Variants in MLLT3 observed in about 807,000 individuals in gnomAD.
MLLT3 encodes protein AF-9.
Under a neutral mutation model 53.2 loss-of-function variants are expected in MLLT3, and 4 were observed. The observed-to-expected ratio is 0.08, with a 90% CI of 0.04 to 0.17. MLLT3 has a LOEUF of 0.17. MLLT3 is among the 10% of genes least tolerant of loss of function. MLLT3 has a pLI of 1.00. For missense variants in MLLT3, 569 were observed against 684.0 expected (o/e 0.83, Z 1.87); for synonymous variants, 283 against 230.6 (o/e 1.23, Z -2.06).
At chr9:20,618,856 T>G (rs866073903) in intron 2 of MLLT3, among the ~76,000 whole-genome samples, 7 of 152,256 alleles carry the variant, frequency 4.6e-5, no homozygotes, top group Non-Finnish European at 8.8e-5. Flanking sequence ...AATTTCATAA[T>G]GCCAATTTGT....
chr9:20,402,890 C>T (rs561768168), intron 5 of MLLT3, among the ~76,000 whole-genome samples: 1 of 152,272 alleles, frequency 6.6e-6, no homozygotes, highest in African/African-American at 2.4e-5. Flanking sequence ...CATAGGGGCA[C>T]AGGCTGAGAT....
intron 8 of MLLT3, among the ~76,000 whole-genome samples, chr9:20,356,069 A>G (rs1437733020): frequency 6.6e-6 from 1 of 152,204 alleles, no homozygotes; most frequent in Non-Finnish European, 1.5e-5. Context: ...TAAGACCCAG[A>G]TTCCCATTCA....
At chr9:20,384,516 CAATGTT>C (rs1294695016) in intron 5 of MLLT3, among the ~76,000 whole-genome samples, 8 of 152,108 alleles carry the variant, frequency 5.3e-5, no homozygotes, top group African/African-American at 1.4e-4. Context: ...AGAGAATTGT[CAATGTT>C]AATGTTATCC....
chr9:20,622,303 C>T lies in MLLT3; in HGVS notation c.-47G>A, dbSNP rs779758796. 2 of 1,495,112 alleles carry T rather than the reference C, an allele frequency of 1.3e-6. No homozygotes were observed. Among genetic ancestry groups the T allele is most frequent in the Non-Finnish European group, 1.8e-6 (2 of 1,111,648 alleles). 92.6% of individuals were successfully genotyped at this position (1,495,112 alleles called of 1,614,324 possible). A position where few individuals can be genotyped will look rare whatever the true frequency, so the allele number is the denominator to read the frequency against. ...CTGGGGTGTTGTGTGGTACCCCCCC[C>T]TCCTCCGCCCCCCCTCAGCTGTAAT... On this transcript the variant is annotated 5_prime_UTR_variant, in exon 1 of 11. Transcript: ENST00000380338.
At chr9:20,580,863 C>G (rs1819773536) in intron 2 of MLLT3, among the ~76,000 whole-genome samples, 3 of 152,310 alleles carry the variant, frequency 2.0e-5, no homozygotes, top group Middle Eastern at 3.4e-3. Flanking sequence ...TGAACCAGAA[C>G]TACAACAATT....
At chr9:20,368,317 T>C (rs976971201) in intron 5 of MLLT3, among the ~76,000 whole-genome samples, 1 of 152,148 alleles carries the variant, frequency 6.6e-6, no homozygotes, top group South Asian at 2.1e-4. Flanking sequence ...CTCCTCTTCC[T>C]CTCCAAGTTG....
intron 4 of MLLT3, among the ~76,000 whole-genome samples, chr9:20,421,336 A>T (rs1269659099): frequency 6.6e-6 from 1 of 151,908 alleles, no homozygotes; most frequent in African/African-American, 2.4e-5. Context: ...CACTTCATAT[A>T]AAAAAAACTC....
chr9:20,459,995 T>A (rs527993959), intron 2 of MLLT3, among the ~76,000 whole-genome samples: 1 of 152,288 alleles, frequency 6.6e-6, no homozygotes, highest in Admixed American at 6.5e-5. Context: ...TAGGGGAAGT[T>A]GTTTATTTAT....
chr9:20,500,944 G>A (rs1825207518), intron 2 of MLLT3, among the ~76,000 whole-genome samples: 1 of 152,114 alleles, frequency 6.6e-6, no homozygotes. Context: ...ATTAAGAATT[G>A]CCTATAATTC....
chr9:20,495,811 G>C (rs1825067688), intron 2 of MLLT3, among the ~76,000 whole-genome samples: 2 of 152,094 alleles, frequency 1.3e-5, no homozygotes, highest in Admixed American at 1.3e-4. Flanking sequence ...ACCAATTTGA[G>C]GAAGCATTTA....
At chr9:20,516,963 G>A (rs1817933187) in intron 2 of MLLT3, among the ~76,000 whole-genome samples, 1 of 152,158 alleles carries the variant, frequency 6.6e-6, no homozygotes, top group Non-Finnish European at 1.5e-5. Context: ...CTGCTATGCA[G>A]TTTAAGGATA....
At chr9:20,605,491 C>G (rs770645888) in intron 2 of MLLT3, among the ~76,000 whole-genome samples, 3 of 151,924 alleles carry the variant, frequency 2.0e-5, no homozygotes, top group African/African-American at 4.8e-5. Context: ...TTAATAACCA[C>G]GGGTTCATAC....
At chr9:20,464,177 A>C (rs1440640987) in intron 2 of MLLT3, among the ~76,000 whole-genome samples, 1 of 151,684 alleles carries the variant, frequency 6.6e-6, no homozygotes, top group African/African-American at 2.4e-5. Flanking sequence ...ACTGTTTTTT[A>C]TTTAGAAAAA....
chr9:20,363,152 G>T (rs951247315), intron 7 of MLLT3: 1 of 213,450 alleles, frequency 4.7e-6, no homozygotes, highest in East Asian at 1.1e-4. Flanking sequence ...ATCTCCAGCA[G>T]TGGATCAACA....
At chr9:20,478,667 A>G (rs1477488377) in intron 2 of MLLT3, among the ~76,000 whole-genome samples, 2 of 152,196 alleles carry the variant, frequency 1.3e-5, no homozygotes, top group Non-Finnish European at 2.9e-5. Context: ...AGGACCGTGA[A>G]TAAGATGACC....
chr9:20,490,097 C>T (rs951716771), intron 2 of MLLT3, among the ~76,000 whole-genome samples: 1 of 152,186 alleles, frequency 6.6e-6, no homozygotes, highest in Non-Finnish European at 1.5e-5. Flanking sequence ...CACTGCCAGT[C>T]ACCTCCATGA....
intron 2 of MLLT3, among the ~76,000 whole-genome samples, chr9:20,476,583 A>C (rs1440724137): frequency 6.6e-6 from 1 of 152,164 alleles, no homozygotes; most frequent in African/African-American, 2.4e-5. Context: ...ATAAATCAGA[A>C]ACCAAACAAA....
chr9:20,462,164 T>C (rs1169530748), intron 2 of MLLT3, among the ~76,000 whole-genome samples: 1 of 152,204 alleles, frequency 6.6e-6, no homozygotes, highest in South Asian at 2.1e-4. Context: ...TCAAGACATT[T>C]TGAAAACAAA....
intron 6 of MLLT3, 125 bp from the exon 7 acceptor site, chr9:20,363,730 A>G (rs1188475097): frequency 1.2e-6 from 1 of 845,566 alleles, no homozygotes; most frequent in Non-Finnish European, 1.6e-6. Context: ...ATATATTTAT[A>G]CAATTTACAA....
Sources: gnomAD v4.1 joint callset for allele counts (sites outside exome capture counted in the v4.1 genomes callset) on GRCh38, gnomAD v4.1.1 for gene constraint, MANE v1.5 for transcripts, NCBI Gene and HGNC (gene_info 2026-07-23, HGNC 2026-07-21) for gene names.